Variants in P2RX6 observed in about 807,000 individuals in gnomAD.
P2RX6 encodes the protein purinergic receptor P2X 6.
In P2RX6, 62 loss-of-function variants were observed where a neutral mutation model predicts 54.2. The observed-to-expected ratio is 1.14, with a 90% CI of 0.93 to 1.41. The LOEUF (loss-of-function observed/expected upper bound fraction) is 1.41, where lower values mean the gene tolerates loss of function less well. P2RX6 is among the 40% of genes most tolerant of loss of function. P2RX6 has a pLI of 0.00. For synonymous variants in P2RX6, 211 were observed against 231.9 expected, an observed-to-expected ratio of 0.91 and a Z score of 0.82; for missense variants, 541 against 566.3, an observed-to-expected ratio of 0.96 and a Z score of 0.45.
chr22:21,022,229 C>G (rs968609927), intron 3 of P2RX6, among the ~76,000 whole-genome samples: 10 of 152,142 alleles, frequency 6.6e-5, no homozygotes, highest in African/African-American at 2.2e-4. Flanking sequence ...AAAAAATCAG[C>G]CAGGCACAGT....
chr22:21,021,024 G>A lies in P2RX6; in HGVS notation c.388-1652G>A, dbSNP rs142787431. On this transcript the variant is annotated intron_variant, in intron 3 of 11. Coordinates refer to ENST00000413302, the MANE Select transcript of P2RX6 (RefSeq NM_005446.5). ...TGCCTTTAGGGCTACCTGCCACTGG[G>A]TGGAGCTGAAGTGAAGATTTGGACT... Among the ~76,000 whole-genome samples the A allele has an allele frequency of 2.2e-3, 329 of 152,322 alleles. 4 individuals are homozygous for A. Among genetic ancestry groups the A allele is most frequent in the African/African-American group, 7.6e-3 (317 of 41,566 alleles).
intron 1 of P2RX6, 110 bp downstream of exon 1, chr22:21,015,448 T>C (rs1247524588): frequency 1.0e-6 from 1 of 983,098 alleles, no homozygotes; most frequent in Non-Finnish European, 1.4e-6. Flanking sequence ...GGGGCTGGAG[T>C]GGAAGGGGGC....
intron 3 of P2RX6, among the ~76,000 whole-genome samples, chr22:21,022,204 CAA>C (rs3831681): frequency 6.7e-6 from 1 of 148,552 alleles, no homozygotes; most frequent in Admixed American, 6.7e-5. Context: ...TCCATCTCTA[CAA>C]AAAAAAAATA....
intron 2 of P2RX6, among the ~76,000 whole-genome samples, chr22:21,016,807 G>A (rs990949891): frequency 6.6e-6 from 1 of 152,002 alleles, no homozygotes; most frequent in African/African-American, 2.4e-5. Flanking sequence ...CCTCCACCCA[G>A]CTCATCCCCA....
rs1928657900 is a variant in P2RX6 at position 21,027,510 on chromosome 22, A to T, written c.*893A>T. Reference sequence around the variant, plus strand: ...ACTTCAGTCCAAGTCATACCTAGGAAGCTGTCTGGGCAGCTGCTCGAGGGA... The same window carrying T: ...ACTTCAGTCCAAGTCATACCTAGGATGCTGTCTGGGCAGCTGCTCGAGGGA... On this transcript the variant is annotated 3_prime_UTR_variant, in exon 12 of 12. Transcript: ENST00000413302. 1.3e-5 allele frequency: 2 copies of T among 152,200 alleles called. No homozygotes were observed. The highest frequency in any genetic ancestry group is 6.5e-5 in the Admixed American group (1 of 15,272). The allele number at this position is 152,200 out of a possible 1,614,324, so 9.4% of individuals were successfully genotyped here.
Position 21,015,271 on chromosome 22 carries a change from A to G in P2RX6, c.97A>G (p.Thr33Ala), listed in dbSNP as rs1411861694. Reference sequence around the variant, plus strand: ...TTATAAGACGGAGAAGTATGTGATGACCAGGAACTGGCGGGTGGGCGCCCT... The same window carrying G: ...TTATAAGACGGAGAAGTATGTGATGGCCAGGAACTGGCGGGTGGGCGCCCT... ...LDYKTEKYVM[T>A]RNWRVGALQR... Residue 33 changes from threonine to alanine, a missense_variant, in exon 1 of 12, where the codon ACC (threonine) becomes GCC (alanine). By Grantham distance (58) the Thr-to-Ala change is moderately conservative. Coordinates refer to ENST00000413302, the MANE Select transcript of P2RX6 (RefSeq NM_005446.5). 2 of 1,551,570 alleles carry G rather than the reference A, an allele frequency of 1.3e-6. No homozygotes were observed. Among genetic ancestry groups the G allele is most frequent in the East Asian group, 5.1e-5 (2 of 39,580 alleles).
At chr22:21,023,916 T>C (rs1160480143) in intron 8 of P2RX6, among the ~76,000 whole-genome samples, 1 of 151,346 alleles carries the variant, frequency 6.6e-6, no homozygotes, top group African/African-American at 2.4e-5. Context: ...TCCACAGCAA[T>C]GGGGTGTTTC....
chr22:21,023,148 C>A lies in P2RX6; in HGVS notation c.588C>A (p.Phe196Leu), dbSNP rs1251605037. The A allele has an allele frequency of 1.2e-6, 2 of 1,613,650 alleles. No homozygotes were observed. Among genetic ancestry groups the A allele is most frequent in the East Asian group, 2.2e-5 (1 of 44,846 alleles). The change falls in exon 6 of 12, where the codon TTC (phenylalanine) becomes TTA (leucine). Residue 196 changes from phenylalanine (F) to leucine (L), a missense_variant. By Grantham distance (22) the Phe-to-Leu change is conservative. This residue lies in a region of P2RX6 where 526 missense variants were observed against 531.5 expected (regional missense o/e 0.99). Transcript: ENST00000413302. ...CCCTGCTGGCCCAGGCCCAGAACTTCACACTGTTCATCAAAAACACAGTCA... is the reference window on the plus strand; with the variant it reads ...CCCTGCTGGCCCAGGCCCAGAACTTAACACTGTTCATCAAAAACACAGTCA... ...SRPLLAQAQN[F>L]TLFIKNTVTF...
chr22:21,023,518 G>T lies in P2RX6; in HGVS notation c.790G>T (p.Val264Leu). The change falls in exon 8 of 12, where the codon GTA (valine) becomes TTA (leucine). Residue 264 changes from valine to leucine, a missense_variant. Physicochemically the swap from Val to Leu is conservative, Grantham distance 32. Coordinates refer to ENST00000413302, the MANE Select transcript of P2RX6 (RefSeq NM_005446.5). ...FEDLALLGGS[V>L]GIRVHWDCDL... ...TATGTGCTATGTGCAGGGTGGCTCT[G>T]TAGGCATCAGAGTTCACTGGGATTG... is the stretch of plus-strand genomic sequence containing the variant. 3 of 1,613,808 alleles carry T rather than the reference G, an allele frequency of 1.9e-6. No homozygotes were observed. The highest frequency in any genetic ancestry group is 2.5e-6 in the Non-Finnish European group (3 of 1,179,796).
chr22:21,011,401 T>C (rs1168814047), upstream of P2RX6: 1 of 652,180 alleles, frequency 1.5e-6, no homozygotes, highest in Non-Finnish European at 2.8e-6. Flanking sequence ...GTCATTCAGC[T>C]GGTTGTAGCT....
At chr22:21,023,439 G>C (rs375459623) in intron 7 of P2RX6, 23 bp downstream of exon 7, 20 of 1,613,750 alleles carry the variant, frequency 1.2e-5, no homozygotes, top group South Asian at 2.2e-5. Flanking sequence ...TTGGGGGCAG[G>C]GTTCCTAGAG....
upstream of P2RX6, among the ~76,000 whole-genome samples, chr22:21,011,195 A>G (rs1391972623): frequency 2.7e-5 from 4 of 147,086 alleles, no homozygotes; most frequent in Non-Finnish European, 6.0e-5. Flanking sequence ...GCGCAATGAG[A>G]TATTTGTGGA....
At position 21,017,261 on chromosome 22, in the gene P2RX6, A is replaced by G. The variant is rs543705083; in HGVS notation, c.316-728A>G. On this transcript the variant is annotated intron_variant, in intron 2 of 11. Transcript: ENST00000413302. The stretch of plus-strand genomic sequence containing the variant: ...TGACGGTGTCCACACTTTCCTCCCA[A>G]TCCTAATGGCTGCCACTCCCAGCAC... Among the ~76,000 whole-genome samples, 5 of 151,968 alleles carry G rather than the reference A, an allele frequency of 3.3e-5. No individual in the cohort carries two copies. The South Asian group carries it at 1.0e-3, about 32-fold the overall frequency.
At chr22:21,022,025 G>A (rs148467442) in intron 3 of P2RX6, among the ~76,000 whole-genome samples, 1,650 of 152,288 alleles carry the variant, frequency 0.011, 15 homozygotes, top group Non-Finnish European at 0.014. Flanking sequence ...TGGACCAGAG[G>A]AGCTAGACCT....
At position 21,023,268 on chromosome 22, in the gene P2RX6, C is replaced by T; in HGVS notation, c.639-7C>T. 1 of 1,614,032 alleles carries T rather than the reference C, an allele frequency of 6.2e-7. No homozygotes were observed. The highest frequency in any genetic ancestry group is 8.5e-7 in the Non-Finnish European group (1 of 1,179,892). ...CTACCTCATCTGACCTTTCCCACTCCTCCCAGGTCCAATGCCTTGGAGACC... is the reference window on the plus strand; with the variant it reads ...CTACCTCATCTGACCTTTCCCACTCTTCCCAGGTCCAATGCCTTGGAGACC... On this transcript the variant is annotated splice_polypyrimidine_tract_variant and splice_region_variant and intron_variant, in intron 6 of 11. Transcript: ENST00000413302.
intron 4 of P2RX6, 26 bp downstream of exon 4, chr22:21,022,777 GC>G (rs753781303): frequency 3.9e-6 from 6 of 1,541,222 alleles, no homozygotes; most frequent in African/African-American, 1.4e-5. Context: ...GTCTTCCAGT[GC>G]CCCCAGCAGG....
chr22:21,017,526 T>A (rs1485012792), intron 2 of P2RX6, among the ~76,000 whole-genome samples: 1 of 152,160 alleles, frequency 6.6e-6, no homozygotes, highest in African/African-American at 2.4e-5. Context: ...CCCTTGGATC[T>A]TCAGTACTAG....
upstream of P2RX6, chr22:21,010,348 C>G (rs527915193): frequency 1.3e-5 from 2 of 152,308 alleles, no homozygotes; most frequent in South Asian, 4.1e-4. Flanking sequence ...TTGTCAAAGT[C>G]TGAAATAAGC....
chr22:21,024,982 G>C (rs1184566859), intron 8 of P2RX6, among the ~76,000 whole-genome samples: 1 of 148,192 alleles, frequency 6.7e-6, no homozygotes, highest in Non-Finnish European at 1.5e-5. Flanking sequence ...TCGGGTTCAA[G>C]CAATTCTCCT....
Sources: gnomAD v4.1 joint callset for allele counts (sites outside exome capture counted in the v4.1 genomes callset) on GRCh38, gnomAD v4.1.1 for gene constraint, gnomAD v4.1.1 regional missense constraint, MANE v1.5 for transcripts, NCBI Gene and HGNC (gene_info 2026-07-23, HGNC 2026-07-21) for gene names.